TULP4: variants seen among roughly 807,000 people sequenced by gnomAD.
TULP4 encodes tubby-related protein 4.
TULP4 carries 16 observed loss-of-function variants against 129.0 expected under a neutral mutation model. The observed-to-expected ratio is 0.12, with a 90% confidence interval of 0.08 to 0.19. TULP4 has a LOEUF of 0.19. Among genes scored for constraint, TULP4 ranks in the 10% least tolerant of loss-of-function variants. The pLI is 1.00. For missense variants in TULP4, 1,842 were observed against 2,059.1 expected (o/e 0.89, Z 2.04); for synonymous variants, 998 against 854.0 (o/e 1.17, Z -2.94).
At chr6:158,329,626 A>G (rs370555946) in intron 1 of TULP4, among the ~76,000 whole-genome samples, 2 of 152,304 alleles carry the variant, frequency 1.3e-5, no homozygotes, top group African/African-American at 4.8e-5. Context: ...ACAGAAAACA[A>G]GAGTGTAAAA....
intron 1 of TULP4, among the ~76,000 whole-genome samples, chr6:158,329,827 A>T (rs76101417): frequency 2.0e-5 from 3 of 151,706 alleles, no homozygotes; most frequent in Admixed American, 6.6e-5. Flanking sequence ...GAAAAACCTA[A>T]CTATTTTCAA....
At chr6:158,359,003 G>T (rs1200683983) in intron 1 of TULP4, among the ~76,000 whole-genome samples, 22 of 152,176 alleles carry the variant, frequency 1.4e-4, no homozygotes, top group Admixed American at 1.4e-3. Flanking sequence ...CTGGGCAGTG[G>T]TCAGCCATGT....
At chr6:158,395,263 TG>T (rs1296101460) in intron 1 of TULP4, among the ~76,000 whole-genome samples, 5 of 152,106 alleles carry the variant, frequency 3.3e-5, no homozygotes, top group African/African-American at 1.2e-4. Context: ...GCTCACTCCT[TG>T]GAACAGTCAC....
chr6:158,450,867 T>C (rs1239812747), intron 4 of TULP4, among the ~76,000 whole-genome samples: 1 of 151,616 alleles, frequency 6.6e-6, no homozygotes, highest in Non-Finnish European at 1.5e-5. Flanking sequence ...CCATCCTGGC[T>C]AACACGCTGA....
chr6:158,450,131 G>C (rs1779134313), intron 4 of TULP4, among the ~76,000 whole-genome samples: 1 of 152,144 alleles, frequency 6.6e-6, no homozygotes, highest in Non-Finnish European at 1.5e-5. Context: ...TTCCTGCCTA[G>C]CTGTAACCAT....
intron 1 of TULP4, among the ~76,000 whole-genome samples, chr6:158,332,169 C>CAAAAAAAAAA (rs1169601263): frequency 1.5e-5 from 1 of 65,324 alleles, no homozygotes; most frequent in African/African-American, 8.7e-5. Context: ...AAGACTCTGT[C>CAAAAAAAAAA]AAAAAAAAAA....
intron 1 of TULP4, among the ~76,000 whole-genome samples, chr6:158,363,877 A>C (rs1360107494): frequency 6.6e-6 from 1 of 152,212 alleles, no homozygotes; most frequent in Non-Finnish European, 1.5e-5. Context: ...TAGTGAAATA[A>C]TGTCATATGA....
At chr6:158,272,237 T>TGG (rs1778565043) in intron 1 of TULP4, among the ~76,000 whole-genome samples, 1 of 152,220 alleles carries the variant, frequency 6.6e-6, no homozygotes, top group African/African-American at 2.4e-5. Context: ...ATTTTTCAGT[T>TGG]GGGAATTACC....
chr6:158,243,746 T>C (rs1777970199), intron 1 of TULP4, among the ~76,000 whole-genome samples: 3 of 152,186 alleles, frequency 2.0e-5, no homozygotes, highest in South Asian at 4.1e-4. Context: ...TTTCTTTCTT[T>C]TTGTGATACT....
intron 1 of TULP4, among the ~76,000 whole-genome samples, chr6:158,291,701 C>T (rs1778945079): frequency 6.6e-6 from 1 of 151,966 alleles, no homozygotes; most frequent in Non-Finnish European, 1.5e-5. Context: ...TTTCATTTCT[C>T]TTGATCTCTT....
At chr6:158,333,259 T>C (rs766643047) in intron 1 of TULP4, among the ~76,000 whole-genome samples, 10 of 152,146 alleles carry the variant, frequency 6.6e-5, no homozygotes, top group Non-Finnish European at 1.5e-4. Flanking sequence ...TAATTAACAT[T>C]AGATGAAGTC....
At chr6:158,495,090 G>T (rs1780302616) in intron 11 of TULP4, among the ~76,000 whole-genome samples, 1 of 150,510 alleles carries the variant, frequency 6.6e-6, no homozygotes, top group Admixed American at 6.6e-5. Context: ...TTGAGATAGT[G>T]TCTTACCCAG....
intron 1 of TULP4, among the ~76,000 whole-genome samples, chr6:158,316,603 G>A (rs111758509): frequency 0.05 from 7,661 of 152,076 alleles, 281 homozygotes; most frequent in Non-Finnish European, 0.07. Context: ...AAGTGGATAC[G>A]CTTCAAATTT....
chr6:158,367,306 G>T (rs1172614908), intron 1 of TULP4, among the ~76,000 whole-genome samples: 1 of 152,202 alleles, frequency 6.6e-6, no homozygotes, highest in East Asian at 1.9e-4. Context: ...GGACTCAAGA[G>T]GGTAGGAGGA....
chr6:158,444,438 C>A (rs1396939343), intron 3 of TULP4, among the ~76,000 whole-genome samples: 1 of 151,776 alleles, frequency 6.6e-6, no homozygotes, highest in Non-Finnish European at 1.5e-5. Context: ...AGCCTTCAGT[C>A]ATAAAAGCAA....
At chr6:158,342,963 G>A (rs1780216354) in intron 1 of TULP4, among the ~76,000 whole-genome samples, 1 of 149,062 alleles carries the variant, frequency 6.7e-6, no homozygotes, top group African/African-American at 2.5e-5. Flanking sequence ...GTGTGTGTGT[G>A]TGTGTGTGTG....
At position 158,511,607 on chromosome 6, in the gene TULP4, G is replaced by C. The variant is rs1780742458; in HGVS notation, c.*4913G>C. 1 of 152,550 alleles carries C rather than the reference G, an allele frequency of 6.6e-6. No individual in the cohort carries two copies. Among genetic ancestry groups the C allele is most frequent in the Non-Finnish European group, 1.5e-5 (1 of 68,034 alleles). The allele number at this position is 152,550 out of a possible 1,614,324, so 9.4% of individuals were successfully genotyped here. ...GCGACTCCCAAATGCGTTTTAATGA[G>C]CTCATCCTTATTTGCCTTTCTTCTT... is the stretch of plus-strand genomic sequence containing the variant. On this transcript the variant is annotated 3_prime_UTR_variant, in exon 14 of 14. Coordinates refer to ENST00000367097, the MANE Select transcript of TULP4 (RefSeq NM_020245.5).
At chr6:158,375,212 C>T (rs1312815255) in intron 1 of TULP4, among the ~76,000 whole-genome samples, 1 of 152,182 alleles carries the variant, frequency 6.6e-6, no homozygotes, top group East Asian at 1.9e-4. Flanking sequence ...CATGGCACTC[C>T]AGCCTGGGCA....
intron 1 of TULP4, among the ~76,000 whole-genome samples, chr6:158,320,272 AG>A (rs576807081): frequency 7.2e-4 from 110 of 152,322 alleles, no homozygotes; most frequent in Non-Finnish European, 1.2e-3. Context: ...ATAGGTGGGC[AG>A]GTATGTCAGG....
Sources: gnomAD v4.1 joint callset for allele counts (sites outside exome capture counted in the v4.1 genomes callset) on GRCh38, gnomAD v4.1.1 for gene constraint, MANE v1.5 for transcripts, NCBI Gene and HGNC (gene_info 2026-07-23, HGNC 2026-07-21) for gene names.